FLT1: variants seen among roughly 807,000 people sequenced by gnomAD.
The protein encoded by FLT1 is fms related receptor tyrosine kinase 1.
In FLT1, 49 loss-of-function variants were observed where a neutral mutation model predicts 156.3. That is an observed-to-expected ratio of 0.31 (90% CI 0.25 to 0.40). FLT1 has a LOEUF of 0.40. FLT1 is among the 10% of genes least tolerant of loss of function. The pLI is 1.00. For synonymous variants in FLT1, 594 were observed against 583.8 expected (o/e 1.02, Z -0.25); for missense variants, 1,322 against 1,637.2 (o/e 0.81, Z 3.32).
In FLT1 at chr13:28,302,704, A is replaced by G. The variant is rs1469674263; in HGVS notation, c.*463T>C. On this transcript the variant is annotated 3_prime_UTR_variant, in exon 30 of 30. Coordinates refer to ENST00000282397, the MANE Select transcript of FLT1 (RefSeq NM_002019.4). ...TGCTTTTTTTCCTTTTCCTCCTCAC[A>G]TGTCTTAGGCCTGCTAGAGGACTCC... is the stretch of plus-strand genomic sequence containing the variant. 4.3e-6 allele frequency: 1 copy of G among 235,232 alleles called. No individual in the cohort carries two copies. Among genetic ancestry groups the G allele is most frequent in the Non-Finnish European group, 8.3e-6 (1 of 119,862 alleles). 14.6% of individuals were successfully genotyped at this position (235,232 alleles called of 1,614,324 possible). A position where few individuals can be genotyped will look rare whatever the true frequency, so the allele number is the denominator to read the frequency against.
intron 3 of FLT1, among the ~76,000 whole-genome samples, chr13:28,466,535 A>G (rs1452725817): frequency 6.6e-6 from 1 of 152,220 alleles, no homozygotes; most frequent in African/African-American, 2.4e-5. Flanking sequence ...AAGAGAATGC[A>G]GCTGTGTTAA....
chr13:28,393,535 A>G (rs977803373), intron 12 of FLT1, among the ~76,000 whole-genome samples: 1 of 152,174 alleles, frequency 6.6e-6, no homozygotes, highest in Non-Finnish European at 1.5e-5. Context: ...GCCACAGTTT[A>G]CCATTTTCAT....
At chr13:28,357,427 G>A (rs1009078227) in intron 15 of FLT1, 127 bp downstream of exon 15, 12 of 937,914 alleles carry the variant, frequency 1.3e-5, no homozygotes, top group Non-Finnish European at 1.9e-5. Context: ...GCAGGGAGAG[G>A]GGAGAAGGAG....
chr13:28,437,399 C>A (rs1291550434), intron 4 of FLT1, among the ~76,000 whole-genome samples: 1 of 152,200 alleles, frequency 6.6e-6, no homozygotes, highest in Admixed American at 6.5e-5. Context: ...CAGCTACCAG[C>A]ACCAAACACT....
chr13:28,470,140 C>A (rs1880076023), intron 1 of FLT1, among the ~76,000 whole-genome samples: 1 of 152,174 alleles, frequency 6.6e-6, no homozygotes, highest in African/African-American at 2.4e-5. Context: ...AAATTAAAAT[C>A]CCTGTTTCAT....
At chr13:28,430,192 C>A in intron 7 of FLT1, 25 bp from the exon 8 acceptor site, 1 of 1,509,148 alleles carries the variant, frequency 6.6e-7, no homozygotes, top group Non-Finnish European at 9.2e-7. Flanking sequence ...GTGATACATA[C>A]ATTAGAAAAG....
intron 10 of FLT1, 120 bp downstream of exon 10, chr13:28,427,039 C>G (rs1877382655): frequency 1.1e-6 from 1 of 927,076 alleles, no homozygotes; most frequent in South Asian, 1.3e-5. Context: ...GCAGGGAGAG[C>G]CTTTGCCTCA....
intron 3 of FLT1, among the ~76,000 whole-genome samples, chr13:28,459,312 T>C (rs1879435154): frequency 6.6e-6 from 1 of 150,754 alleles, no homozygotes; most frequent in Non-Finnish European, 1.5e-5. Flanking sequence ...TCTGCACTTG[T>C]GGCCTCCTGG....
intron 10 of FLT1, among the ~76,000 whole-genome samples, chr13:28,416,059 A>G (rs898267931): frequency 6.6e-6 from 1 of 152,154 alleles, no homozygotes; most frequent in African/African-American, 2.4e-5. Flanking sequence ...CAAACTTAGC[A>G]CTCGCAATGT....
rs1304736848 is a variant in FLT1 at position 28,339,255 on chromosome 13, G to T, written c.2401C>A (p.Pro801Thr). ...TGCTCATCCAAAGGAACTTCATCTG[G>T]GTCCATTATAATTGATAGGTAGTCA... Reference protein sequence around the residue: ...KTDYLSIIMDPDEVPLDEQCE... With the variant: ...KTDYLSIIMDTDEVPLDEQCE... The change falls in exon 17 of 30, where the codon CCA becomes ACA. Residue 801 changes from proline to threonine, a missense_variant. Pro to Thr is a conservative substitution (Grantham distance 38). Coordinates refer to ENST00000282397, the MANE Select transcript of FLT1 (RefSeq NM_002019.4). The T allele has an allele frequency of 5.0e-6, 8 of 1,613,632 alleles. No individual in the cohort carries two copies. Among genetic ancestry groups the T allele is most frequent in the Non-Finnish European group, 5.1e-6 (6 of 1,179,696 alleles).
intron 24 of FLT1, among the ~76,000 whole-genome samples, chr13:28,318,740 CA>C (rs1414587798): frequency 1.3e-5 from 2 of 152,148 alleles, no homozygotes; most frequent in Non-Finnish European, 2.9e-5. Context: ...TGGCAAAGCC[CA>C]AAAGACTCTT....
chr13:28,318,540 G>C (rs1871298938), intron 24 of FLT1, among the ~76,000 whole-genome samples: 1 of 152,190 alleles, frequency 6.6e-6, no homozygotes, highest in Admixed American at 6.5e-5. Context: ...GATTACTGCT[G>C]GTAGGAAGCA....
At position 28,439,794 on chromosome 13, in the gene FLT1, G is replaced by A. The variant is rs1038391087; in HGVS notation, c.389-1449C>T. On this transcript the variant is annotated intron_variant, in intron 3 of 29. Transcript: ENST00000282397. This position sits in a 1 kb window ranked among gnomAD's most constrained non-coding sequence, Gnocchi z 4.1. The stretch of plus-strand genomic sequence containing the variant: ...CAACCACCAGCATGTAGGAAGAGGC[G>A]AGGGAGGGTTCTTCTGCAGGTTTCA... 5.3e-5 allele frequency among the ~76,000 whole-genome samples: 8 copies of A among 152,234 alleles called. No homozygotes were observed. Among genetic ancestry groups the A allele is most frequent in the East Asian group, 1.9e-4 (1 of 5,192 alleles).
intron 25 of FLT1, among the ~76,000 whole-genome samples, chr13:28,316,410 G>A (rs999022084): frequency 5.9e-5 from 9 of 152,342 alleles, no homozygotes; most frequent in Admixed American, 1.3e-4. Flanking sequence ...AGGTGGTGCC[G>A]CCTCAGGGAG....
chr13:28,388,399 C>T (rs963392450), intron 13 of FLT1: 13 of 1,056,464 alleles, frequency 1.2e-5, no homozygotes, highest in Non-Finnish European at 1.5e-5. Context: ...TTGTCACCTC[C>T]TATTGAACTG....
At chr13:28,433,565 G>C (rs1212766373) in intron 6 of FLT1, among the ~76,000 whole-genome samples, 1 of 151,994 alleles carries the variant, frequency 6.6e-6, no homozygotes, top group Non-Finnish European at 1.5e-5. Context: ...CTTCCACCTA[G>C]AATCATGCAA....
chr13:28,361,003 G>T (rs561400081), intron 14 of FLT1, among the ~76,000 whole-genome samples: 1 of 152,146 alleles, frequency 6.6e-6, no homozygotes, highest in African/African-American at 2.4e-5. Context: ...AAAAGGCCGG[G>T]CACGGTGGCT....
chr13:28,443,521 CATATTT>C, intron 3 of FLT1, among the ~76,000 whole-genome samples: 2 of 152,244 alleles, frequency 1.3e-5, no homozygotes, highest in South Asian at 4.1e-4. Context: ...AGCACATGTA[CATATTT>C]ATGGTTTTTA....
At chr13:28,358,065 C>G (rs951058255) in intron 14 of FLT1, among the ~76,000 whole-genome samples, 1 of 152,054 alleles carries the variant, frequency 6.6e-6, no homozygotes, top group Non-Finnish European at 1.5e-5. Context: ...ATTGACTCAA[C>G]GCCCTCTGTG....
Sources: allele counts gnomAD v4.1 joint callset (sites outside exome capture counted in the v4.1 genomes callset), GRCh38; gene constraint gnomAD v4.1.1; non-coding constraint Gnocchi (gnomAD v3.1); transcripts MANE v1.5; gene names NCBI Gene and HGNC (gene_info 2026-07-23, HGNC 2026-07-21).